Variants in ANKRD30B observed in about 807,000 individuals in gnomAD.
The protein encoded by ANKRD30B is ankyrin repeat domain-containing protein 30B.
ANKRD30B carries 144 observed loss-of-function variants against 202.2 expected under a neutral mutation model. The ratio of observed to expected loss-of-function variants is 0.71; its 90% confidence interval spans 0.62 to 0.82. The LOEUF is 0.82. Among genes scored for constraint, ANKRD30B ranks in the 40% least tolerant of loss-of-function variants. The probability of loss-of-function intolerance (pLI) is 0.00; values close to 1 mark genes in which losing one functional copy is unlikely to be tolerated. For synonymous variants in ANKRD30B, 508 were observed against 561.3 expected, an observed-to-expected ratio of 0.91 and a Z score of 1.34; for missense variants, 1,487 against 1,669.1, an observed-to-expected ratio of 0.89 and a Z score of 1.90.
chr18:14,840,717 A>G (rs1971385642), intron 37 of ANKRD30B, 39 bp downstream of exon 37: 2 of 1,226,360 alleles, frequency 1.6e-6, no homozygotes, highest in South Asian at 1.4e-5. Flanking sequence ...TTTTGTCCAA[A>G]TGTTTGTCTC....
At chr18:14,934,937 CACACACACACA>C in the ANKRD30B span, among the ~76,000 whole-genome samples, 1 of 151,216 alleles carries the variant, frequency 6.6e-6, no homozygotes, top group African/African-American at 2.5e-5. Context: ...CACACACACA[CACACACACACA>C]CCCCATCGTG....
Position 14,849,246 on chromosome 18 carries a change from A to T in ANKRD30B, c.3395+317A>T, listed in dbSNP as rs188789448. ...ATGCTACAAGACATAACTGCATGTA[A>T]ATCTTTTTCTACCTTTCTAATTATT... is the stretch of plus-strand genomic sequence containing the variant. On this transcript the variant is annotated intron_variant, in intron 40 of 43. Transcript: ENST00000690538. Among the ~76,000 whole-genome samples, 558 of 152,030 alleles carry T rather than the reference A, an allele frequency of 3.7e-3. 4 individuals carry two copies. Among genetic ancestry groups the T allele is most frequent in the Admixed American group, 6.5e-3 (99 of 15,268 alleles).
chr18:14,872,916 T>G, the ANKRD30B span, among the ~76,000 whole-genome samples: 234 of 152,230 alleles, frequency 1.5e-3, 2 homozygotes, highest in African/African-American at 5.4e-3. Flanking sequence ...GCCTTGCCCC[T>G]AGAATGGAGA....
chr18:14,777,496 C>G (rs1478524153), intron 9 of ANKRD30B, among the ~76,000 whole-genome samples: 1 of 151,702 alleles, frequency 6.6e-6, no homozygotes, highest in African/African-American at 2.4e-5. Context: ...CGGGGTTTCA[C>G]CAAGTTGGCC....
At chr18:14,939,158 T>C in the ANKRD30B span, among the ~76,000 whole-genome samples, 6 of 152,178 alleles carry the variant, frequency 3.9e-5, no homozygotes, top group African/African-American at 9.7e-5. Context: ...CCCAAGTAGG[T>C]CCAAATTCTG....
At chr18:14,758,522 C>CAT in intron 5 of ANKRD30B, among the ~76,000 whole-genome samples, 1 of 152,246 alleles carries the variant, frequency 6.6e-6, no homozygotes, top group Non-Finnish European at 1.5e-5. Context: ...CATGGTGATC[C>CAT]ATATATAGAC....
At chr18:14,901,703 T>G in the ANKRD30B span, among the ~76,000 whole-genome samples, 1 of 152,212 alleles carries the variant, frequency 6.6e-6, no homozygotes, top group Non-Finnish European at 1.5e-5. Context: ...ATTTGTATTT[T>G]ATGTCAATAT....
chr18:14,769,729 G>C (rs1423660228), intron 8 of ANKRD30B, among the ~76,000 whole-genome samples: 1 of 152,206 alleles, frequency 6.6e-6, no homozygotes, highest in Non-Finnish European at 1.5e-5. Flanking sequence ...TACAGGTCCA[G>C]ATTGGATCAA....
At chr18:14,766,137 A>G (rs1015833769) in intron 7 of ANKRD30B, among the ~76,000 whole-genome samples, 53 of 152,162 alleles carry the variant, frequency 3.5e-4, no homozygotes, top group African/African-American at 1.2e-3. Flanking sequence ...TCTTAAGTTT[A>G]CAGACTGTGC....
intron 5 of ANKRD30B, among the ~76,000 whole-genome samples, chr18:14,759,455 T>C (rs543950235): frequency 2.6e-5 from 4 of 152,218 alleles, no homozygotes; most frequent in Non-Finnish European, 5.9e-5. Context: ...GGATCTTGTG[T>C]GCAATATGTT....
At chr18:14,860,336 A>C in the ANKRD30B span, among the ~76,000 whole-genome samples, 2 of 115,496 alleles carry the variant, frequency 1.7e-5, no homozygotes, top group African/African-American at 6.9e-5. Flanking sequence ...GGCGCTCCTC[A>C]CTTCCCAGAC....
chr18:14,808,296 T>C, intron 24 of ANKRD30B: 2 of 484,390 alleles, frequency 4.1e-6, no homozygotes, highest in Non-Finnish European at 7.8e-6. Context: ...CTTTAGTTAT[T>C]GTCAGTTGAA....
chr18:14,884,706 T>C, the ANKRD30B span, among the ~76,000 whole-genome samples: 1 of 152,100 alleles, frequency 6.6e-6, no homozygotes, highest in Non-Finnish European at 1.5e-5. Context: ...AGTAAATATC[T>C]GGTTCCCTGA....
intron 33 of ANKRD30B, among the ~76,000 whole-genome samples, chr18:14,829,007 C>A (rs1970788349): frequency 1.3e-5 from 2 of 152,312 alleles, no homozygotes; most frequent in Non-Finnish European, 2.9e-5. Context: ...TTCTTCAAAG[C>A]AGTCCCCTCT....
Position 14,748,378 on chromosome 18 carries a change from C to T in ANKRD30B, c.-42C>T, listed in dbSNP as rs547692023. 5.7e-4 allele frequency: 796 copies of T among 1,404,264 alleles called. No homozygotes were observed. The highest frequency in any genetic ancestry group is 6.2e-4 in the Non-Finnish European group (665 of 1,069,350). The allele number at this position is 1,404,264 out of a possible 1,614,324, so 87.0% of individuals were successfully genotyped here. ...GCGAGGGGTAGGGGCTGGGGAAGGG[C>T]GAGCGGGAGGCGCGGGCTCTCTCTA... On this transcript the variant is annotated 5_prime_UTR_variant, in exon 1 of 44. Transcript: ENST00000690538.
chr18:14,871,966 G>A, the ANKRD30B span, among the ~76,000 whole-genome samples: 77,363 of 151,736 alleles, frequency 0.51, 19,849 homozygotes, highest in Non-Finnish European at 0.53. Flanking sequence ...CTCAAGATTT[G>A]ACTTACATTA....
At chr18:14,884,907 G>C in the ANKRD30B span, among the ~76,000 whole-genome samples, 1 of 152,108 alleles carries the variant, frequency 6.6e-6, no homozygotes, top group Non-Finnish European at 1.5e-5. Context: ...GAAAGCAGCA[G>C]CTTGGTTGAA....
At chr18:14,798,949 A>C (rs1045768475) in intron 20 of ANKRD30B, among the ~76,000 whole-genome samples, 152 bp from the exon 21 acceptor site, 13 of 152,120 alleles carry the variant, frequency 8.5e-5, no homozygotes, top group African/African-American at 3.1e-4. Flanking sequence ...CATGTTAACA[A>C]ATACAATAAC....
In ANKRD30B at chr18:14,753,158, A is replaced by T. The variant is rs1342488051; in HGVS notation, c.510+146A>T. 6.3e-5 allele frequency: 40 copies of T among 636,274 alleles called. 1 individual carries two copies. The highest frequency in any genetic ancestry group is 1.5e-5 in the Non-Finnish European group (6 of 412,348). The allele number at this position is 636,274 out of a possible 1,614,324, so 39.4% of individuals were successfully genotyped here. A position where few individuals can be genotyped will look rare whatever the true frequency, so the allele number is the denominator to read the frequency against. On this transcript the variant is annotated intron_variant, in intron 3 of 43. Coordinates refer to ENST00000690538, the MANE Select transcript of ANKRD30B (RefSeq NM_001367607.2). ...ACTTAATTATCTAAGATTTAACCTT[A>T]AATATTAATTTTTTAAAAGAACTAT...
Sources: allele counts gnomAD v4.1 joint callset (sites outside exome capture counted in the v4.1 genomes callset), GRCh38; gene constraint gnomAD v4.1.1; transcripts MANE v1.5; gene names NCBI Gene and HGNC (gene_info 2026-07-23, HGNC 2026-07-21).